Variants in ZFYVE1 observed in about 807,000 individuals in gnomAD.
ZFYVE1 encodes the protein zinc finger FYVE-type containing 1.
Under a neutral mutation model 74.4 loss-of-function variants are expected in ZFYVE1, and 30 were observed. That is an observed-to-expected ratio of 0.40 (90% CI 0.30 to 0.55). The LOEUF is 0.55. ZFYVE1 is among the 20% of genes least tolerant of loss of function. The pLI is 0.42. For synonymous variants in ZFYVE1, 335 were observed against 385.1 expected (o/e 0.87, Z 1.52); for missense variants, 703 against 1,011.6 (o/e 0.69, Z 4.14).
At chr14:73,014,986 G>A (rs1454223682) in intron 2 of ZFYVE1, among the ~76,000 whole-genome samples, 1 of 152,004 alleles carries the variant, frequency 6.6e-6, no homozygotes, top group Non-Finnish European at 1.5e-5. Flanking sequence ...TGTAATCCCA[G>A]CACTTTGGGA....
intron 2 of ZFYVE1, among the ~76,000 whole-genome samples, chr14:73,021,648 T>C (rs974145236): frequency 2.6e-5 from 4 of 152,242 alleles, no homozygotes; most frequent in African/African-American, 9.6e-5. Context: ...GAATTCTATG[T>C]CTAAACCATC....
chr14:73,003,984 A>G (rs1893927069), intron 2 of ZFYVE1, among the ~76,000 whole-genome samples: 1 of 152,180 alleles, frequency 6.6e-6, no homozygotes, highest in African/African-American at 2.4e-5. Context: ...TTAGGTACCC[A>G]GGTACCTTAA....
intron 3 of ZFYVE1, among the ~76,000 whole-genome samples, chr14:72,993,950 G>A (rs1893682507): frequency 6.6e-6 from 1 of 150,974 alleles, no homozygotes; most frequent in Non-Finnish European, 1.5e-5. Context: ...GGGAAGTGGA[G>A]GTTGCAGTGA....
At position 72,969,829 on chromosome 14, in the gene ZFYVE1, C is replaced by A. The variant is rs947228850; in HGVS notation, c.*1053G>T. 1.5e-6 allele frequency: 1 copy of A among 677,634 alleles called. No individual in the cohort carries two copies. The highest frequency in any genetic ancestry group is 2.7e-6 in the Non-Finnish European group (1 of 377,192). 42.0% of individuals were successfully genotyped at this position (677,634 alleles called of 1,614,324 possible). A position where few individuals can be genotyped will look rare whatever the true frequency, so the allele number is the denominator to read the frequency against. On this transcript the variant is annotated 3_prime_UTR_variant, in exon 12 of 12. Coordinates refer to ENST00000556143, the MANE Select transcript of ZFYVE1 (RefSeq NM_021260.4). The stretch of plus-strand genomic sequence containing the variant: ...AAGAGATAAATTTTTTCTTTACGAT[C>A]TGTTGAAATATTTATATAGACTTTT...
intron 4 of ZFYVE1, 106 bp from the exon 5 acceptor site, chr14:72,982,001 A>G (rs1893345287): frequency 1.1e-6 from 1 of 915,386 alleles, no homozygotes; most frequent in Non-Finnish European, 1.7e-6. Flanking sequence ...GAAGAAATCC[A>G]GTAACTTCTG....
At chr14:72,986,159 C>A (rs1342952279) in intron 4 of ZFYVE1, among the ~76,000 whole-genome samples, 6 of 152,130 alleles carry the variant, frequency 3.9e-5, no homozygotes, top group Admixed American at 2.6e-4. Flanking sequence ...GAAATGGGGG[C>A]ATTTGTAAGT....
In ZFYVE1 at chr14:72,975,724, G is replaced by A; in HGVS notation, c.1636-3C>T. ...TTGTCCTTCAGAAACCCATCAGTCT[G>A]AAATGAAAACGCAGGCTTCCATCAT... On this transcript the variant is annotated splice_polypyrimidine_tract_variant and splice_region_variant and intron_variant, in intron 8 of 11. Transcript: ENST00000556143. The surrounding 1 kb of genome is among the most constrained non-coding windows in gnomAD (Gnocchi z 4.1). The A allele has an allele frequency of 6.2e-7, 1 of 1,613,446 alleles. No homozygotes were observed. Among genetic ancestry groups the A allele is most frequent in the Non-Finnish European group, 8.5e-7 (1 of 1,179,726 alleles).
chr14:73,022,698 T>C (rs1029562913), intron 2 of ZFYVE1, among the ~76,000 whole-genome samples: 2 of 152,166 alleles, frequency 1.3e-5, no homozygotes, highest in African/African-American at 2.4e-5. Context: ...AAGAAAAGTA[T>C]AGACATTACA....
At chr14:72,971,156 C>G (rs780152213) in intron 11 of ZFYVE1, 42 bp from the exon 12 acceptor site, 16 of 1,603,804 alleles carry the variant, frequency 1.0e-5, no homozygotes, top group Non-Finnish European at 1.4e-5. Flanking sequence ...AAGCCCAATA[C>G]CCCGAGGCCC....
At chr14:72,986,359 G>C (rs1242776692) in intron 4 of ZFYVE1, among the ~76,000 whole-genome samples, 1 of 151,868 alleles carries the variant, frequency 6.6e-6, no homozygotes, top group Admixed American at 6.6e-5. Flanking sequence ...TTGCATATGA[G>C]GTAAGAACAA....
At position 72,971,037 on chromosome 14, in the gene ZFYVE1, C is replaced by A. The variant is rs142659155; in HGVS notation, c.2179G>T (p.Glu727Ter). Residue 727 changes from glutamate (E) to a stop codon, truncating the protein, a stop_gained, in exon 12 of 12, where the codon GAG (glutamate) becomes TAG (stop). Transcript: ENST00000556143. LOFTEE classifies it high-confidence loss of function. ...EILHCHNCRK[E>*]FSIKLSKHHC... ...TGCTTGGAGAGCTTGATGCTGAACT[C>A]CTTCCGGCAGTTGTGGCAGTGGAGG... 1.9e-6 allele frequency: 3 copies of A among 1,614,204 alleles called. No individual in the cohort carries two copies. The highest frequency in any genetic ancestry group is 2.5e-6 in the Non-Finnish European group (3 of 1,180,048).
chr14:72,997,925 T>G lies in ZFYVE1; in HGVS notation c.874A>C (p.Thr292Pro), dbSNP rs1893784641. Reference protein sequence around the residue: ...DASEAYLKHFTKELKATTARC... With the variant: ...DASEAYLKHFPKELKATTARC... The stretch of plus-strand genomic sequence containing the variant: ...GCAGTGGTGGCCTTGAGCTCCTTGG[T>G]GAAGTGCTTCAGATAAGCTTCTGAG... The change falls in exon 3 of 12, where the codon ACC becomes CCC. Residue 292 changes from threonine to proline, a missense_variant. Around this residue, in one of 2 missense-constraint regions of ZFYVE1, gnomAD observed 492 missense variants for 790.0 expected, o/e 0.62. Coordinates refer to ENST00000556143, the MANE Select transcript of ZFYVE1 (RefSeq NM_021260.4). The G allele has an allele frequency of 6.2e-7, 1 of 1,614,034 alleles. No individual in the cohort carries two copies. Among genetic ancestry groups the G allele is most frequent in the Non-Finnish European group, 8.5e-7 (1 of 1,180,018 alleles).
In ZFYVE1 at chr14:72,991,101, T is replaced by C. The variant is rs988594924; in HGVS notation, c.1203+2042A>G. On this transcript the variant is annotated intron_variant, in intron 4 of 11. Transcript: ENST00000556143. ...TCTCAAAGCCAGTAATAAATTGGCC[T>C]GAGGTAGGACATCCAAGACTTCTGA... Among the ~76,000 whole-genome samples the C allele has an allele frequency of 2.0e-5, 3 of 151,788 alleles. No homozygotes were observed. In the East Asian group the frequency reaches 5.8e-4, roughly 29 times the overall value.
In ZFYVE1 at chr14:73,013,828, CA is replaced by C. The variant is rs1894139327; in HGVS notation, c.483+10197del. Among the ~76,000 whole-genome samples, 9 of 152,152 alleles carry C rather than the reference CA, an allele frequency of 5.9e-5. No individual in the cohort carries two copies. The South Asian group carries it at 1.9e-3, about 32-fold the overall frequency. ...AAGCAAATGTGTTCGATACATTTAG[CA>C]GTTCTAACCTCAGATAGAAATGATC... On this transcript the variant is annotated intron_variant, in intron 2 of 11. Transcript: ENST00000556143.
chr14:73,015,259 AGGAAGGAAGGAAGGAAGGAAGGAAGGAAG>A lies in ZFYVE1; in HGVS notation c.483+8738_483+8766del. ...AAGGAAGGAAGGAAGGAAGGAAGGA[AGGAAGGAAGGAAGGAAGGAAGGAAGGAAG>A]GAAGGAAAGAAGGGAGGGAGGGAGG... On this transcript the variant is annotated intron_variant, in intron 2 of 11. Coordinates refer to ENST00000556143, the MANE Select transcript of ZFYVE1 (RefSeq NM_021260.4). 3.0e-5 allele frequency among the ~76,000 whole-genome samples: 2 copies of A among 66,224 alleles called. 1 individual carries two copies. Among genetic ancestry groups the A allele is most frequent in the Middle Eastern group, 9.9e-3 (2 of 202 alleles). The allele number at this position is 66,224 out of a possible 152,430, so 43.4% of individuals were successfully genotyped here.
rs568813832 is a variant in ZFYVE1, at chr14:72,972,865, G to A, written c.2101+1215C>T. On this transcript the variant is annotated intron_variant, in intron 11 of 11. Transcript: ENST00000556143. ...TGGGACTACAGGTGCCCGCCACCAC[G>A]CCTGGCTAATTTTTTTGTATTTTCA... Among the ~76,000 whole-genome samples, 6 of 152,082 alleles carry A rather than the reference G, an allele frequency of 3.9e-5. No individual in the cohort carries two copies. In the South Asian group the frequency reaches 1.0e-3, roughly 26 times the overall value.
At chr14:73,011,066 T>C (rs1327825677) in intron 2 of ZFYVE1, among the ~76,000 whole-genome samples, 1 of 151,652 alleles carries the variant, frequency 6.6e-6, no homozygotes, top group African/African-American at 2.4e-5. Flanking sequence ...TAGAATACTA[T>C]AAGATTCACT....
chr14:73,024,136 T>G lies in ZFYVE1; in HGVS notation c.373A>C (p.Asn125His), dbSNP rs757474669. The G allele has an allele frequency of 9.3e-6, 15 of 1,614,216 alleles. No homozygotes were observed. Among genetic ancestry groups the G allele is most frequent in the Non-Finnish European group, 1.1e-5 (13 of 1,180,040 alleles). ...RHPVTVYNVS[N>H]LQESLEAEEM... ...TCTGCCTCCAGTGACTCCTGGAGAT[T>G]ACTGACATTGTACACAGTAACAGGG... The change falls in exon 2 of 12, where the codon AAT becomes CAT. Residue 125 changes from asparagine (N) to histidine (H), a missense_variant. Asn to His is a moderately conservative substitution (Grantham distance 68). Transcript: ENST00000556143.
Position 73,004,937 on chromosome 14 carries a change from A to C in ZFYVE1, c.484-6622T>G, listed in dbSNP as rs368670016. On this transcript the variant is annotated intron_variant, in intron 2 of 11. Coordinates refer to ENST00000556143, the MANE Select transcript of ZFYVE1 (RefSeq NM_021260.4). The stretch of plus-strand genomic sequence containing the variant: ...TTGCTTGAGCCTGGGGAGAGTTTGC[A>C]GTGAGCCGAGATCACGCCACTGTAC... Among the ~76,000 whole-genome samples the C allele has an allele frequency of 1.4e-4, 21 of 150,592 alleles. No homozygotes were observed. In the East Asian group the frequency reaches 2.5e-3, roughly 18 times the overall value.
Sources: allele counts gnomAD v4.1 joint callset (sites outside exome capture counted in the v4.1 genomes callset), GRCh38; gene constraint gnomAD v4.1.1; regional missense constraint gnomAD v4.1.1; non-coding constraint Gnocchi (gnomAD v3.1); transcripts MANE v1.5; gene names NCBI Gene and HGNC (gene_info 2026-07-23, HGNC 2026-07-21).